Variants in ALK observed in about 807,000 individuals in gnomAD.
ALK encodes the protein ALK tyrosine kinase receptor.
ALK carries 74 observed loss-of-function variants against 163.1 expected under a neutral mutation model. The ratio of observed to expected loss-of-function variants is 0.45; its 90% CI spans 0.38 to 0.55. ALK has a LOEUF of 0.55. Among genes scored for constraint, ALK ranks in the 20% least tolerant of loss-of-function variants. The pLI, the probability that ALK is intolerant of heterozygous loss-of-function variation, is 0.00. For synonymous variants in ALK, 960 were observed against 843.2 expected (o/e 1.14, Z -2.40); for missense variants, 2,063 against 2,105.3 (o/e 0.98, Z 0.39).
chr2:29,364,622 C>T (rs1528423), intron 5 of ALK, among the ~76,000 whole-genome samples: 97,304 of 151,972 alleles, frequency 0.64, 31,447 homozygotes, highest in East Asian at 0.87. Flanking sequence ...AGAAAAATGG[C>T]CAAAGAAGAG....
At chr2:29,743,711 A>T (rs1680125639) in intron 1 of ALK, among the ~76,000 whole-genome samples, 1 of 152,156 alleles carries the variant, frequency 6.6e-6, no homozygotes, top group Non-Finnish European at 1.5e-5. Context: ...CACCCAACAG[A>T]TGGGGGCTTA....
At chr2:29,263,629 A>G (rs191082906) in intron 11 of ALK, among the ~76,000 whole-genome samples, 6 of 152,270 alleles carry the variant, frequency 3.9e-5, no homozygotes, top group South Asian at 2.1e-4. Flanking sequence ...AGAGAAGGCA[A>G]AGTGTGTAAG....
intron 1 of ALK, among the ~76,000 whole-genome samples, chr2:29,866,525 G>A (rs745568822): frequency 1.3e-5 from 2 of 152,088 alleles, no homozygotes; most frequent in Non-Finnish European, 2.9e-5. Flanking sequence ...CAAACTACAC[G>A]TGAATGGAAG....
chr2:29,499,875 A>T (rs1435709033), intron 4 of ALK, among the ~76,000 whole-genome samples: 1 of 151,910 alleles, frequency 6.6e-6, no homozygotes, highest in African/African-American at 2.4e-5. Context: ...AGCCAAGTAT[A>T]CCTTCCCCTC....
intron 1 of ALK, among the ~76,000 whole-genome samples, chr2:29,849,081 G>GC (rs1379618929): frequency 6.6e-6 from 1 of 152,018 alleles, no homozygotes; most frequent in Non-Finnish European, 1.5e-5. Context: ...TCCTCGAGCT[G>GC]CCCCCCATCT....
chr2:29,587,560 G>A (rs1244599809), intron 3 of ALK, among the ~76,000 whole-genome samples: 1 of 152,108 alleles, frequency 6.6e-6, no homozygotes, highest in African/African-American at 2.4e-5. Flanking sequence ...CAAGTCACAT[G>A]CTAATGTGTC....
intron 4 of ALK, among the ~76,000 whole-genome samples, chr2:29,494,878 A>ATGTGTGTG (rs1558350027): frequency 1.7e-5 from 2 of 120,092 alleles, no homozygotes; most frequent in Non-Finnish European, 3.6e-5. Context: ...GTGTGTGTGC[A>ATGTGTGTG]TGCATGTGTA....
At position 29,343,209 on chromosome 2, in the gene ALK, ATT is replaced by A. The variant is rs72225984; in HGVS notation, c.1283-14730_1283-14729del. Among the ~76,000 whole-genome samples, 669 of 70,762 alleles carry A rather than the reference ATT, an allele frequency of 9.5e-3. 5 individuals are homozygous for A. The highest frequency in any genetic ancestry group is 0.022 in the African/African-American group (613 of 28,240). 46.4% of individuals were successfully genotyped at this position (70,762 alleles called of 152,430 possible). Reference sequence around the variant, plus strand: ...CCGATCTTTTTTTTAAAATTTAAAAATTTTTTTTTTTTTTTTTGAGACAGGGT... The same window carrying A: ...CCGATCTTTTTTTTAAAATTTAAAAATTTTTTTTTTTTTTTGAGACAGGGT... On this transcript the variant is annotated intron_variant, in intron 5 of 28. Transcript: ENST00000389048.
At chr2:29,685,897 G>A (rs187371132) in intron 3 of ALK, among the ~76,000 whole-genome samples, 5 of 152,116 alleles carry the variant, frequency 3.3e-5, no homozygotes, top group East Asian at 1.9e-4. Flanking sequence ...TTCCTCTCAC[G>A]GCTTCTTCCT....
At chr2:29,514,498 T>C (rs1205319268) in intron 4 of ALK, among the ~76,000 whole-genome samples, 1 of 152,198 alleles carries the variant, frequency 6.6e-6, no homozygotes, top group Non-Finnish European at 1.5e-5. Context: ...TGAAGACTAC[T>C]CCTGCATGCC....
rs79186248 is a variant in ALK at position 29,437,151 on chromosome 2, G to A, written c.1155-53292C>T. ...TCCAGAGCTCTTGGGGAGTCTTGGA[G>A]GACATGTGAACACTCTACAGCCTCC... On this transcript the variant is annotated intron_variant, in intron 4 of 28. Coordinates refer to ENST00000389048, the MANE Select transcript of ALK (RefSeq NM_004304.5). Among the ~76,000 whole-genome samples the A allele has an allele frequency of 5.6e-3, 859 of 152,236 alleles. 7 individuals are homozygous for A. Among genetic ancestry groups the A allele is most frequent in the African/African-American group, 0.02 (811 of 41,532 alleles).
At chr2:29,803,320 A>G (rs1249995008) in intron 1 of ALK, among the ~76,000 whole-genome samples, 3 of 152,242 alleles carry the variant, frequency 2.0e-5, no homozygotes, top group African/African-American at 7.2e-5. Flanking sequence ...AAGCTCCCAC[A>G]AAGTATTATT....
chr2:29,883,790 T>C (rs1312433075), intron 1 of ALK, among the ~76,000 whole-genome samples: 1 of 152,140 alleles, frequency 6.6e-6, no homozygotes, highest in East Asian at 1.9e-4. Flanking sequence ...TCAATAAATA[T>C]ATTGGAAAAT....
chr2:29,239,402 GA>G (rs1408183179), intron 13 of ALK, among the ~76,000 whole-genome samples: 2 of 152,166 alleles, frequency 1.3e-5, no homozygotes, highest in African/African-American at 2.4e-5. Flanking sequence ...TCAGGTGAGG[GA>G]GGGGGGGAGC....
chr2:29,620,370 T>G (rs977420159), intron 3 of ALK, among the ~76,000 whole-genome samples: 2 of 152,148 alleles, frequency 1.3e-5, no homozygotes, highest in Non-Finnish European at 2.9e-5. Context: ...CTTATAAGGA[T>G]CTACCTTCCT....
intron 1 of ALK, among the ~76,000 whole-genome samples, chr2:29,855,915 TTTTG>T (rs1212716257): frequency 6.6e-6 from 1 of 152,234 alleles, no homozygotes; most frequent in Non-Finnish European, 1.5e-5. Context: ...AAAGATCACG[TTTTG>T]TTTCTTTAAT....
chr2:29,515,904 A>G (rs537783902), intron 4 of ALK, among the ~76,000 whole-genome samples: 3 of 152,362 alleles, frequency 2.0e-5, no homozygotes, highest in East Asian at 3.9e-4. Flanking sequence ...TCATAAGCCA[A>G]TTAGAAAACA....
At chr2:29,407,476 T>C (rs1669613145) in intron 4 of ALK, among the ~76,000 whole-genome samples, 1 of 152,264 alleles carries the variant, frequency 6.6e-6, no homozygotes, top group Non-Finnish European at 1.5e-5. Context: ...GTCAGATGAC[T>C]TGCTCAAGAT....
intron 4 of ALK, among the ~76,000 whole-genome samples, chr2:29,478,716 T>C (rs1221808250): frequency 6.6e-6 from 1 of 152,192 alleles, no homozygotes; most frequent in Non-Finnish European, 1.5e-5. Context: ...AAGCGGTCAC[T>C]CAAAGGCTGG....
Sources: gnomAD v4.1 joint callset for allele counts (sites outside exome capture counted in the v4.1 genomes callset) on GRCh38, gnomAD v4.1.1 for gene constraint, MANE v1.5 for transcripts, NCBI Gene and HGNC (gene_info 2026-07-23, HGNC 2026-07-21) for gene names.